The following CACNB4 variants were observed in gnomAD, a reference collection of about 807,000 sequenced individuals.
CACNB4 encodes voltage-dependent L-type calcium channel subunit beta-4.
CACNB4 carries 32 observed loss-of-function variants against 71.2 expected under a neutral mutation model. The ratio of observed to expected loss-of-function variants is 0.45; its 90% CI spans 0.34 to 0.60. The LOEUF (loss-of-function observed/expected upper bound fraction) is 0.60. CACNB4 is among the 20% of genes least tolerant of loss of function. The pLI is 0.01. For missense variants in CACNB4, 464 were observed against 647.9 expected (o/e 0.72, Z 3.08); for synonymous variants, 231 against 236.9 (o/e 0.97, Z 0.23).
In CACNB4 at chr2:151,870,579, C is replaced by T. The variant is rs370926360; in HGVS notation, c.651G>A (p.Pro217=). The change falls in exon 8 of 14, where the codon CCG becomes CCA. Residue 217 remains proline (P), a synonymous_variant. Transcript: ENST00000539935. ...CCACTAACACCACCGGACGCATTGACGGTACAACATCGTAAGGAGGAATGT... is the reference window on the plus strand; with the variant it reads ...CCACTAACACCACCGGACGCATTGATGGTACAACATCGTAAGGAGGAATGT... The part of the protein sequence containing the change: ...TEHIPPYDVV[P]SMRPVVLVGP... The T allele has an allele frequency of 5.5e-5, 88 of 1,613,710 alleles. No homozygotes were observed. The highest frequency in any genetic ancestry group is 6.7e-5 in the Non-Finnish European group (79 of 1,179,836).
chr2:152,044,244 G>A (rs550407772), intron 2 of CACNB4, among the ~76,000 whole-genome samples: 18 of 151,686 alleles, frequency 1.2e-4, no homozygotes, highest in South Asian at 6.2e-4. Flanking sequence ...TTTCTGAGAC[G>A]GAGTCTTGCT....
intron 2 of CACNB4, among the ~76,000 whole-genome samples, chr2:152,048,195 A>C: frequency 6.6e-6 from 1 of 151,888 alleles, no homozygotes; most frequent in African/African-American, 2.4e-5. Flanking sequence ...TAGATGTACT[A>C]CTCACTAGCA....
intron 10 of CACNB4, chr2:151,857,018 C>T (rs895092979): frequency 1.3e-5 from 2 of 152,144 alleles, no homozygotes; most frequent in East Asian, 1.9e-4. Flanking sequence ...CGGCCTTAAA[C>T]GACCCTAAAG....
intron 9 of CACNB4, 101 bp downstream of exon 9, chr2:151,869,076 G>C (rs969218135): frequency 2.7e-5 from 19 of 716,622 alleles, no homozygotes; most frequent in Non-Finnish European, 3.9e-5. Context: ...CTTTTAACTA[G>C]AGAACTTCTG....
At chr2:152,065,339 T>C (rs1686252932) in intron 2 of CACNB4, among the ~76,000 whole-genome samples, 1 of 150,398 alleles carries the variant, frequency 6.6e-6, no homozygotes, top group Admixed American at 6.7e-5. Flanking sequence ...GCCAAGATTG[T>C]GCCACTGCAC....
At chr2:152,031,840 A>G (rs1490891458) in intron 2 of CACNB4, among the ~76,000 whole-genome samples, 4 of 152,202 alleles carry the variant, frequency 2.6e-5, no homozygotes, top group African/African-American at 9.7e-5. Flanking sequence ...TTGAAAACTG[A>G]TATTTTCCTC....
At chr2:151,910,349 T>G (rs2099855883) in intron 2 of CACNB4, among the ~76,000 whole-genome samples, 1 of 152,232 alleles carries the variant, frequency 6.6e-6, no homozygotes, top group African/African-American at 2.4e-5. Flanking sequence ...GATAGTTTCT[T>G]TTGTTGTGCA....
At chr2:151,953,326 C>T (rs779147420) in intron 2 of CACNB4, among the ~76,000 whole-genome samples, 13 of 152,254 alleles carry the variant, frequency 8.5e-5, no homozygotes, top group East Asian at 3.9e-4. Flanking sequence ...CTCGTGTGCC[C>T]GTACCTTGTT....
chr2:151,937,634 T>C (rs907223774), intron 2 of CACNB4, among the ~76,000 whole-genome samples: 2 of 152,330 alleles, frequency 1.3e-5, no homozygotes, highest in Admixed American at 1.3e-4. Flanking sequence ...ATCTGGGGAA[T>C]GTTCTGCTGG....
At chr2:151,989,666 A>T (rs1681577451) in intron 2 of CACNB4, among the ~76,000 whole-genome samples, 1 of 152,220 alleles carries the variant, frequency 6.6e-6, no homozygotes, top group Non-Finnish European at 1.5e-5. Context: ...TGATTCATAA[A>T]TAAACACATC....
intron 2 of CACNB4, among the ~76,000 whole-genome samples, chr2:151,893,151 A>G (rs1201417672): frequency 1.3e-5 from 2 of 152,196 alleles, no homozygotes; most frequent in African/African-American, 4.8e-5. Flanking sequence ...ATGATATAGG[A>G]AACACTGCAA....
intron 2 of CACNB4, among the ~76,000 whole-genome samples, chr2:152,087,431 CAAAAA>C (rs754057435): frequency 3.8e-5 from 3 of 79,446 alleles, no homozygotes; most frequent in Admixed American, 1.5e-4. Context: ...GACCCCATCT[CAAAAA>C]AAAAAAAAAA....
At chr2:152,083,830 T>C (rs1385220498) in intron 2 of CACNB4, among the ~76,000 whole-genome samples, 1 of 152,206 alleles carries the variant, frequency 6.6e-6, no homozygotes, top group Non-Finnish European at 1.5e-5. Context: ...AGTCACTCTC[T>C]TTCTGCCCAG....
At position 152,043,930 on chromosome 2, in the gene CACNB4, G is replaced by A. The variant is rs186945284; in HGVS notation, c.147+54400C>T. ...TAATTAAAAAAACCAAAAGAGCCGG[G>A]CTTGATGGCACATTCCTATAGTCCC... On this transcript the variant is annotated intron_variant, in intron 2 of 13. Coordinates refer to ENST00000539935, the MANE Select transcript of CACNB4 (RefSeq NM_000726.5). Among the ~76,000 whole-genome samples the A allele has an allele frequency of 1.3e-3, 201 of 152,220 alleles. 1 individual carries two copies. The highest frequency in any genetic ancestry group is 2.4e-3 in the Non-Finnish European group (164 of 68,016).
chr2:151,889,817 C>T (rs1314306222), intron 2 of CACNB4, among the ~76,000 whole-genome samples: 1 of 152,196 alleles, frequency 6.6e-6, no homozygotes, highest in African/African-American at 2.4e-5. Flanking sequence ...AGGGTCCAGG[C>T]TGCGTCTCCA....
intron 2 of CACNB4, among the ~76,000 whole-genome samples, chr2:152,094,347 CTG>C (rs1332068239): frequency 1.3e-5 from 2 of 152,212 alleles, no homozygotes; most frequent in Non-Finnish European, 1.5e-5. Context: ...TGTTCAAACT[CTG>C]TGTCCAGAGC....
At position 152,078,193 on chromosome 2, in the gene CACNB4, G is replaced by A. The variant is rs191339099; in HGVS notation, c.147+20137C>T. On this transcript the variant is annotated intron_variant, in intron 2 of 13. Coordinates refer to ENST00000539935, the MANE Select transcript of CACNB4 (RefSeq NM_000726.5). ...CAATATTCTGGGAGGATGTTCTGCT[G>A]CATATGTAAATCATCACTTCATCTG... 2.8e-4 allele frequency among the ~76,000 whole-genome samples: 42 copies of A among 152,262 alleles called. No individual in the cohort carries two copies. The East Asian group carries it at 7.9e-3, about 29-fold the overall frequency.
chr2:151,884,659 A>AAT (rs1414337999), intron 2 of CACNB4, among the ~76,000 whole-genome samples: 1 of 137,240 alleles, frequency 7.3e-6, no homozygotes, highest in Non-Finnish European at 1.6e-5. Context: ...AAAAAAAAAA[A>AAT]GTTCTGAAAT....
In CACNB4 at chr2:152,098,579, C is replaced by CCCCCCCCCCCAA; in HGVS notation, c.64-167_64-166insTTGGGGGGGGGG. On this transcript the variant is annotated intron_variant, in intron 1 of 13. Transcript: ENST00000539935. The surrounding 1 kb of genome is among the most constrained non-coding windows in gnomAD (Gnocchi z 5.3). ...CCCAAATACAGCCCCCACCCCCACC[C>CCCCCCCCCCCAA]ACCCACTGCAAGCCTCGACTGCTGA... The CCCCCCCCCCCAA allele has an allele frequency of 4.2e-6, 4 of 943,704 alleles. No homozygotes were observed. Among genetic ancestry groups the CCCCCCCCCCCAA allele is most frequent in the Non-Finnish European group, 6.8e-6 (4 of 591,316 alleles). The allele number at this position is 943,704 out of a possible 1,614,324, so 58.5% of individuals were successfully genotyped here.
Sources: gnomAD v4.1 joint callset for allele counts (sites outside exome capture counted in the v4.1 genomes callset) on GRCh38, gnomAD v4.1.1 for gene constraint, Gnocchi (gnomAD v3.1) non-coding constraint, MANE v1.5 for transcripts, NCBI Gene and HGNC (gene_info 2026-07-23, HGNC 2026-07-21) for gene names.